Variants in CEP44 observed in about 807,000 individuals in gnomAD.
CEP44 encodes centrosomal protein of 44 kDa.
Under a neutral mutation model 46.7 loss-of-function variants are expected in CEP44, and 45 were observed. That is an observed-to-expected ratio of 0.96 (90% confidence interval 0.76 to 1.24). CEP44 has a LOEUF of 1.24. Ranked by LOEUF, CEP44 falls within the 50% of genes most tolerant of loss-of-function variation. CEP44 has a pLI of 0.00. For missense variants in CEP44, 475 were observed against 459.7 expected, an observed-to-expected ratio of 1.03 and a Z score of -0.30; for synonymous variants, 142 against 146.0, an observed-to-expected ratio of 0.97 and a Z score of 0.20.
Position 174,302,174 on chromosome 4 carries a change from T to C in CEP44, c.225T>C (p.Asp75=). 6.3e-7 allele frequency: 1 copy of C among 1,590,918 alleles called. No individual in the cohort carries two copies. The highest frequency in any genetic ancestry group is 8.6e-7 in the Non-Finnish European group (1 of 1,163,646). Residue 75 remains aspartate (D), a synonymous_variant, in exon 4 of 12, where the codon GAT becomes GAC. Coordinates refer to ENST00000503780, the MANE Select transcript of CEP44 (RefSeq NM_001040157.3). ...CAAAAAATGACTTGCGCTTTATAGA[T>C]GCTGTCTATAAGGTATTTTGAGTTT... The part of the protein sequence containing the change: ...LIAKNDLRFI[D]AVYKLLRDQF...
chr4:174,304,092 T>G (rs1740085068), intron 5 of CEP44, among the ~76,000 whole-genome samples, 155 bp from the exon 6 acceptor site: 1 of 152,240 alleles, frequency 6.6e-6, no homozygotes, highest in Non-Finnish European at 1.5e-5. Flanking sequence ...ACATTTTCAT[T>G]ACTTCTTAGT....
At chr4:174,330,554 T>C (rs1018215523) in intron 8 of CEP44, among the ~76,000 whole-genome samples, 1 of 152,202 alleles carries the variant, frequency 6.6e-6, no homozygotes, top group African/African-American at 2.4e-5. Context: ...TCATGAATAT[T>C]TTCCATATCA....
chr4:174,316,731 A>C (rs954276343), intron 11 of CEP44, 164 bp downstream of exon 11: 2 of 550,170 alleles, frequency 3.6e-6, no homozygotes, highest in Non-Finnish European at 6.2e-6. Flanking sequence ...ACCTACAGTT[A>C]TGTGTTTGTG....
downstream of CEP44, among the ~76,000 whole-genome samples, chr4:174,323,661 A>T (rs1742465842): frequency 1.3e-5 from 2 of 152,156 alleles, no homozygotes; most frequent in South Asian, 4.1e-4. Context: ...GTGGTAAGGA[A>T]AAGTGAGGTA....
Position 174,297,097 on chromosome 4 carries a change from A to G in CEP44, c.-147-869A>G, listed in dbSNP as rs1739121935. On this transcript the variant is annotated intron_variant, in intron 1 of 11. Transcript: ENST00000503780. The surrounding 1 kb of genome is among the most constrained non-coding windows in gnomAD (Gnocchi z 4.3). ...TCCCTATCCATTTACTTTTAATCTT[A>G]TAAACAAAATGGATTTCTTATAGAC... 1.3e-5 allele frequency among the ~76,000 whole-genome samples: 2 copies of G among 152,016 alleles called. No individual in the cohort carries two copies. The highest frequency in any genetic ancestry group is 2.4e-5 in the African/African-American group (1 of 41,382).
In CEP44 at chr4:174,310,158, T is replaced by C; in HGVS notation, c.885+102T>C. ...TTTGGAAATGCTAAATATGAGAATA[T>C]TTGAATAATGAGAAAATGTCTAGTT... On this transcript the variant is annotated intron_variant, in intron 8 of 11. Transcript: ENST00000503780. This position sits in a 1 kb window ranked among gnomAD's most constrained non-coding sequence, Gnocchi z 4.2. 4 of 1,025,092 alleles carry C rather than the reference T, an allele frequency of 3.9e-6. No homozygotes were observed. Among genetic ancestry groups the C allele is most frequent in the Non-Finnish European group, 5.6e-6 (4 of 715,372 alleles). The allele number at this position is 1,025,092 out of a possible 1,614,324, so 63.5% of individuals were successfully genotyped here. A position where few individuals can be genotyped will look rare whatever the true frequency, so the allele number is the denominator to read the frequency against.
At chr4:174,306,754 T>A (rs1740448888) in intron 6 of CEP44, among the ~76,000 whole-genome samples, 1 of 152,176 alleles carries the variant, frequency 6.6e-6, no homozygotes, top group Admixed American at 6.5e-5. Flanking sequence ...GATAAGCAAC[T>A]TCAGCAAAGT....
chr4:174,295,069 G>A (rs1172234401), intron 1 of CEP44, among the ~76,000 whole-genome samples: 15 of 147,504 alleles, frequency 1.0e-4, no homozygotes, highest in East Asian at 2.1e-4. Flanking sequence ...GCGGCTGGCC[G>A]GGCGGGGGGC....
Position 174,290,650 on chromosome 4 carries a change from CTGTAT to C in CEP44, c.-148+6715_-148+6719del, listed in dbSNP as rs1738091618. On this transcript the variant is annotated intron_variant, in intron 1 of 11. Coordinates refer to ENST00000503780, the MANE Select transcript of CEP44 (RefSeq NM_001040157.3). This position sits in a 1 kb window ranked among gnomAD's most constrained non-coding sequence, Gnocchi z 4.3. The stretch of plus-strand genomic sequence containing the variant: ...GACAGTGACGTATCAAAGTCTCCTT[CTGTAT>C]TGTATTGATATCTATTTCTTCCTCC... 6.6e-6 allele frequency among the ~76,000 whole-genome samples: 1 copy of C among 152,068 alleles called. No individual in the cohort carries two copies. Among genetic ancestry groups the C allele is most frequent in the Non-Finnish European group, 1.5e-5 (1 of 68,002 alleles).
chr4:174,323,686 C>A (rs576994964), downstream of CEP44, among the ~76,000 whole-genome samples: 1 of 152,172 alleles, frequency 6.6e-6, no homozygotes, highest in South Asian at 2.1e-4. Flanking sequence ...CTGATCTGTG[C>A]GAGTGCAGTT....
Position 174,310,758 on chromosome 4 carries a change from TA to T in CEP44, c.886-22del. 9.1e-7 allele frequency: 1 copy of T among 1,096,030 alleles called. No homozygotes were observed. The highest frequency in any genetic ancestry group is 1.4e-6 in the Non-Finnish European group (1 of 736,068). The allele number at this position is 1,096,030 out of a possible 1,614,324, so 67.9% of individuals were successfully genotyped here. On this transcript the variant is annotated intron_variant, in intron 8 of 11. Transcript: ENST00000503780. The surrounding 1 kb of genome is among the most constrained non-coding windows in gnomAD (Gnocchi z 4.2). Reference sequence around the variant, plus strand: ...GAGGGTTTTTCTTTTTATTTCATTCTAAATATTTAACTGTGTTATTCCAGAA... The same window carrying T: ...GAGGGTTTTTCTTTTTATTTCATTCTAATATTTAACTGTGTTATTCCAGAA...
Position 174,329,810 on chromosome 4 carries a change from T to G in CEP44, c.1087-1672T>G, listed in dbSNP as rs1194290226. 6.6e-6 allele frequency among the ~76,000 whole-genome samples: 1 copy of G among 152,164 alleles called. No homozygotes were observed. Among genetic ancestry groups the G allele is most frequent in the East Asian group, 1.9e-4 (1 of 5,192 alleles). On this transcript the variant is annotated intron_variant, in intron 8 of 8. Transcript: ENST00000426172. This position sits in a 1 kb window ranked among gnomAD's most constrained non-coding sequence, Gnocchi z 4.0. ...AGATAGATTTATGGTAAAAATAGAC[T>G]ACTGAACTGTCTTGTTAAATTTTTA...
At chr4:174,305,037 A>G (rs1740222053) in intron 6 of CEP44, among the ~76,000 whole-genome samples, 1 of 152,238 alleles carries the variant, frequency 6.6e-6, no homozygotes, top group African/African-American at 2.4e-5. Context: ...AGAATATCAG[A>G]TGAATTATCA....
chr4:174,314,116 A>G lies in CEP44; in HGVS notation c.962-2050A>G, dbSNP rs1411251543. Among the ~76,000 whole-genome samples the G allele has an allele frequency of 2.0e-5, 3 of 152,146 alleles. No individual in the cohort carries two copies. Among genetic ancestry groups the G allele is most frequent in the Non-Finnish European group, 4.4e-5 (3 of 68,034 alleles). On this transcript the variant is annotated intron_variant, in intron 9 of 11. Transcript: ENST00000503780. This position sits in a 1 kb window ranked among gnomAD's most constrained non-coding sequence, Gnocchi z 4.1. ...TGTTACGTGGTAAGAGTTGGGTAGA[A>G]GATTTCATGTCCCATACCCCCATAA...
downstream of CEP44, among the ~76,000 whole-genome samples, chr4:174,323,183 A>G (rs1742438419): frequency 6.6e-6 from 1 of 152,136 alleles, no homozygotes; most frequent in South Asian, 2.1e-4. Context: ...ATCACAGGAA[A>G]TTAAAAGAAA....
chr4:174,320,290 T>A lies in CEP44; in HGVS notation c.*2907T>A. On this transcript the variant is annotated 3_prime_UTR_variant, in exon 12 of 12. Coordinates refer to ENST00000503780, the MANE Select transcript of CEP44 (RefSeq NM_001040157.3). Reference sequence around the variant, plus strand: ...TTTTCCTCTACTGTTTTTAATGTGATGTTGTAATATATTTTAAAAATAAAA... The same window carrying A: ...TTTTCCTCTACTGTTTTTAATGTGAAGTTGTAATATATTTTAAAAATAAAA... 1.0e-6 allele frequency: 1 copy of A among 978,264 alleles called. No homozygotes were observed. Among genetic ancestry groups the A allele is most frequent in the Non-Finnish European group, 1.2e-6 (1 of 823,550 alleles). The allele number at this position is 978,264 out of a possible 1,614,324, so 60.6% of individuals were successfully genotyped here. A position where few individuals can be genotyped will look rare whatever the true frequency, so the allele number is the denominator to read the frequency against.
In CEP44 at chr4:174,311,618, T is replaced by C. The variant is rs1250315093; in HGVS notation, c.961+760T>C. On this transcript the variant is annotated intron_variant, in intron 9 of 11. Coordinates refer to ENST00000503780, the MANE Select transcript of CEP44 (RefSeq NM_001040157.3). The surrounding 1 kb of genome is among the most constrained non-coding windows in gnomAD (Gnocchi z 4.4). Reference sequence around the variant, plus strand: ...ATAATATATATTCTAGCACTAACAGTGTGCCTGGCACGATTCTAACTACTA... The same window carrying C: ...ATAATATATATTCTAGCACTAACAGCGTGCCTGGCACGATTCTAACTACTA... Among the ~76,000 whole-genome samples the C allele has an allele frequency of 6.6e-6, 1 of 152,174 alleles. No individual in the cohort carries two copies. Among genetic ancestry groups the C allele is most frequent in the African/African-American group, 2.4e-5 (1 of 41,472 alleles).
Position 174,320,091 on chromosome 4 carries a change from T to C in CEP44, c.*2708T>C, listed in dbSNP as rs928488185. 73 of 985,210 alleles carry C rather than the reference T, an allele frequency of 7.4e-5. No individual in the cohort carries two copies. Among genetic ancestry groups the C allele is most frequent in the Non-Finnish European group, 8.4e-5 (70 of 829,910 alleles). The allele number at this position is 985,210 out of a possible 1,614,324, so 61.0% of individuals were successfully genotyped here. ...TCAGTTGCTTGTGCTGCCCTGTCTATGTTATGCTCTGAATAGGTCTCGGTA... is the reference window on the plus strand; with the variant it reads ...TCAGTTGCTTGTGCTGCCCTGTCTACGTTATGCTCTGAATAGGTCTCGGTA... On this transcript the variant is annotated 3_prime_UTR_variant, in exon 12 of 12. Transcript: ENST00000503780.
chr4:174,295,325 G>C (rs986745072), intron 1 of CEP44, among the ~76,000 whole-genome samples: 50 of 151,200 alleles, frequency 3.3e-4, no homozygotes, highest in African/African-American at 1.2e-3. Flanking sequence ...CGGCCGGGTA[G>C]AGGTGCTCCT....
Sources: gnomAD v4.1 joint callset for allele counts (sites outside exome capture counted in the v4.1 genomes callset) on GRCh38, gnomAD v4.1.1 for gene constraint, Gnocchi (gnomAD v3.1) non-coding constraint, MANE v1.5 for transcripts, NCBI Gene and HGNC (gene_info 2026-07-23, HGNC 2026-07-21) for gene names.